Variants in DPP10 observed in about 807,000 individuals in gnomAD.
DPP10 encodes the protein inactive dipeptidyl peptidase 10.
In DPP10, 33 loss-of-function variants were observed where a neutral mutation model predicts 120.9. The observed-to-expected ratio is 0.27, with a 90% confidence interval of 0.21 to 0.37. The LOEUF is 0.37. Ranked by LOEUF, DPP10 falls within the 10% of genes least tolerant of loss-of-function variation. The pLI, the probability that DPP10 is intolerant of heterozygous loss-of-function variation, is 1.00. For missense variants in DPP10, 816 were observed against 942.8 expected, an observed-to-expected ratio of 0.87 and a Z score of 1.76; for synonymous variants, 337 against 326.1, an observed-to-expected ratio of 1.03 and a Z score of -0.36.
chr2:115,514,730 A>C (rs2077409581), intron 4 of DPP10, among the ~76,000 whole-genome samples: 1 of 151,824 alleles, frequency 6.6e-6, no homozygotes, highest in South Asian at 2.1e-4. Context: ...CAGCTACTAC[A>C]TTGTACATCG....
chr2:115,465,680 A>G (rs2074284485), intron 3 of DPP10, among the ~76,000 whole-genome samples: 1 of 151,996 alleles, frequency 6.6e-6, no homozygotes, highest in South Asian at 2.1e-4. Context: ...AAAATTAGCC[A>G]GGGGTGGTGG....
chr2:115,123,924 A>T (rs1274286244), intron 1 of DPP10, among the ~76,000 whole-genome samples: 6 of 151,780 alleles, frequency 4.0e-5, no homozygotes, highest in African/African-American at 1.5e-4. Context: ...TATATCAGTT[A>T]TATATAAAAT....
At chr2:115,075,344 G>C (rs901719614) in intron 1 of DPP10, among the ~76,000 whole-genome samples, 1 of 152,204 alleles carries the variant, frequency 6.6e-6, no homozygotes, top group African/African-American at 2.4e-5. Context: ...GATACAATCA[G>C]TATGTAAAGG....
At chr2:114,729,050 T>C (rs901294330) in intron 1 of DPP10, among the ~76,000 whole-genome samples, 2 of 152,242 alleles carry the variant, frequency 1.3e-5, no homozygotes, top group African/African-American at 4.8e-5. Context: ...TATAAAATGC[T>C]GAGCGGCTGT....
At chr2:114,477,864 T>C (rs1573442996) in intron 1 of DPP10, among the ~76,000 whole-genome samples, 1 of 149,246 alleles carries the variant, frequency 6.7e-6, no homozygotes, top group East Asian at 2.0e-4. Context: ...AATATATGTA[T>C]ATATGTACAT....
intron 3 of DPP10, among the ~76,000 whole-genome samples, chr2:115,348,053 G>A (rs1018194590): frequency 2.0e-5 from 3 of 152,054 alleles, no homozygotes; most frequent in African/African-American, 7.2e-5. Flanking sequence ...CTTCAGGGAT[G>A]GCAGAGAGGT....
At position 115,670,247 on chromosome 2, in the gene DPP10, G is replaced by A. The variant is rs2089761664; in HGVS notation, c.442-19440G>A. ...CAAATATCATCACATTGGGGATTAG[G>A]GTTTTAACATATAAATTTGGATGGA... On this transcript the variant is annotated intron_variant, in intron 5 of 25. Transcript: ENST00000410059. 5.9e-5 allele frequency among the ~76,000 whole-genome samples: 9 copies of A among 152,094 alleles called. No individual in the cohort carries two copies. The South Asian group carries it at 1.9e-3, about 32-fold the overall frequency.
At chr2:115,330,669 C>T (rs1191805775) in intron 2 of DPP10, among the ~76,000 whole-genome samples, 2 of 151,962 alleles carry the variant, frequency 1.3e-5, no homozygotes, top group African/African-American at 4.8e-5. Context: ...CCAGTTTTCC[C>T]AGCACCATTT....
chr2:114,763,212 G>A (rs1036526577), intron 1 of DPP10, among the ~76,000 whole-genome samples: 1 of 152,198 alleles, frequency 6.6e-6, no homozygotes, highest in African/African-American at 2.4e-5. Context: ...TGTGAGGACA[G>A]ATTGTGAAAT....
chr2:114,891,069 T>C (rs922737661), intron 1 of DPP10, among the ~76,000 whole-genome samples: 1 of 139,238 alleles, frequency 7.2e-6, no homozygotes, highest in Non-Finnish European at 1.5e-5. Context: ...TGAAAACTGA[T>C]TTTTTTTTTT....
intron 7 of DPP10, among the ~76,000 whole-genome samples, chr2:115,711,082 T>A (rs554316760): frequency 3.1e-4 from 47 of 152,254 alleles, no homozygotes; most frequent in African/African-American, 1.0e-3. Context: ...AGAAATACTT[T>A]GGGCAAAACT....
Position 114,784,023 on chromosome 2 carries a change from G to A in DPP10, c.60+341185G>A, listed in dbSNP as rs754970965. 4.6e-5 allele frequency among the ~76,000 whole-genome samples: 7 copies of A among 152,112 alleles called. No homozygotes were observed. The South Asian group carries it at 6.2e-4, about 14-fold the overall frequency. ...GTAATGCCAGAAAAACCTGACCTGC[G>A]CATGTACAACCAAAACCAGAAGCAC... is the stretch of plus-strand genomic sequence containing the variant. On this transcript the variant is annotated intron_variant, in intron 1 of 25. Coordinates refer to ENST00000410059, the MANE Select transcript of DPP10 (RefSeq NM_020868.6).
chr2:115,420,091 T>G (rs1574788714), intron 3 of DPP10, among the ~76,000 whole-genome samples: 1 of 152,192 alleles, frequency 6.6e-6, no homozygotes, highest in Non-Finnish European at 1.5e-5. Context: ...CTTTGAAATT[T>G]TTATGAAATA....
intron 19 of DPP10, among the ~76,000 whole-genome samples, chr2:115,797,675 T>A (rs1684694158): frequency 6.6e-6 from 1 of 152,044 alleles, no homozygotes; most frequent in African/African-American, 2.4e-5. Flanking sequence ...GCATTTAATC[T>A]TGTTAATAGA....
intron 3 of DPP10, among the ~76,000 whole-genome samples, chr2:115,380,025 T>G (rs1167027260): frequency 6.6e-6 from 1 of 152,144 alleles, no homozygotes; most frequent in African/African-American, 2.4e-5. Context: ...AAATATATAT[T>G]CTGTTCATTT....
At chr2:115,121,078 T>A (rs2049799685) in intron 1 of DPP10, among the ~76,000 whole-genome samples, 1 of 152,158 alleles carries the variant, frequency 6.6e-6, no homozygotes, top group African/African-American at 2.4e-5. Context: ...TCTAAACCCT[T>A]GAGGTAGGAC....
chr2:115,638,942 T>C (rs988727458), intron 5 of DPP10, among the ~76,000 whole-genome samples: 1 of 152,114 alleles, frequency 6.6e-6, no homozygotes, highest in African/African-American at 2.4e-5. Context: ...CTGACTCAGG[T>C]AGACAAGAAG....
intron 2 of DPP10, among the ~76,000 whole-genome samples, chr2:115,332,163 G>T (rs1335892963): frequency 1.3e-5 from 2 of 152,132 alleles, no homozygotes; most frequent in African/African-American, 2.4e-5. Context: ...GAGGGTGTGT[G>T]TGTCCAGGAA....
At chr2:114,743,011 T>C (rs1678216384) in intron 1 of DPP10, among the ~76,000 whole-genome samples, 2 of 152,202 alleles carry the variant, frequency 1.3e-5, no homozygotes, top group Admixed American at 1.3e-4. Context: ...TGAAATTCAC[T>C]TTTAGAAGTC....
Sources: gnomAD v4.1 joint callset for allele counts (sites outside exome capture counted in the v4.1 genomes callset) on GRCh38, gnomAD v4.1.1 for gene constraint, MANE v1.5 for transcripts, NCBI Gene and HGNC (gene_info 2026-07-23, HGNC 2026-07-21) for gene names.